Variants in RORB observed in about 807,000 individuals in gnomAD.
RORB encodes the protein nuclear receptor ROR-beta.
In RORB, 6 loss-of-function variants were observed where a neutral mutation model predicts 59.1. The observed-to-expected ratio is 0.10, with a 90% CI of 0.06 to 0.20. RORB has a LOEUF of 0.20. Ranked by LOEUF, RORB falls within the 10% of genes least tolerant of loss-of-function variation. RORB has a pLI of 1.00. For missense variants in RORB, 320 were observed against 560.5 expected (o/e 0.57, Z 4.33); for synonymous variants, 215 against 204.5 (o/e 1.05, Z -0.44).
intron 1 of RORB, among the ~76,000 whole-genome samples, chr9:74,585,383 G>A (rs1822782646): frequency 6.6e-6 from 1 of 152,180 alleles, no homozygotes; most frequent in South Asian, 2.1e-4. Context: ...TTCTCCAAAG[G>A]TTGAGTAACA....
chr9:74,556,560 C>T (rs1470533915), intron 1 of RORB, among the ~76,000 whole-genome samples: 2 of 152,176 alleles, frequency 1.3e-5, no homozygotes, highest in African/African-American at 4.8e-5. Context: ...CCACCCTTCC[C>T]TGCATTATCT....
At chr9:74,519,140 G>C (rs1458777403) in intron 1 of RORB, among the ~76,000 whole-genome samples, 1 of 151,952 alleles carries the variant, frequency 6.6e-6, no homozygotes, top group East Asian at 1.9e-4. Flanking sequence ...TGAGGAAAAA[G>C]CTCAAAGGCC....
Position 74,685,557 on chromosome 9 carries a change from C to T in RORB, c.1319C>T (p.Thr440Ile), listed in dbSNP as rs1382167986. Residue 440 changes from threonine to isoleucine, a missense_variant, in exon 10 of 10, where the codon ACA (threonine) becomes ATA (isoleucine). Coordinates refer to ENST00000376896, the MANE Select transcript of RORB (RefSeq NM_006914.4). ...CAATCTCATCCAGAGATAGTGAATA[C>T]ACTGTTTCCTCCGTTATACAAGGAG... ...FKQSHPEIVN[T>I]LFPPLYKELF... 6.2e-7 allele frequency: 1 copy of T among 1,612,878 alleles called. No homozygotes were observed. Among genetic ancestry groups the T allele is most frequent in the Admixed American group, 1.7e-5 (1 of 59,960 alleles).
At chr9:74,549,605 GAAGA>G (rs1257914374) in intron 1 of RORB, among the ~76,000 whole-genome samples, 762 of 54,234 alleles carry the variant, frequency 0.014, 19 homozygotes, top group African/African-American at 0.05. Context: ...AGGAAGGAAG[GAAGA>G]AAGGAAGGAA....
intron 1 of RORB, among the ~76,000 whole-genome samples, chr9:74,535,754 G>A (rs1826313282): frequency 6.6e-6 from 1 of 151,844 alleles, no homozygotes; most frequent in Non-Finnish European, 1.5e-5. Flanking sequence ...AAAAAATTGG[G>A]GAATTGCTAA....
chr9:74,666,732 G>T (rs538121906), intron 7 of RORB, among the ~76,000 whole-genome samples: 7 of 152,170 alleles, frequency 4.6e-5, no homozygotes, highest in African/African-American at 1.7e-4. Context: ...GGAGCACAGA[G>T]TTCATGCCAA....
intron 1 of RORB, among the ~76,000 whole-genome samples, chr9:74,501,469 C>G (rs952130914): frequency 4.6e-5 from 7 of 152,082 alleles, no homozygotes; most frequent in African/African-American, 1.7e-4. Context: ...CAACATTCCA[C>G]CTCCCGCAAT....
chr9:74,578,221 T>G (rs1418832119), intron 1 of RORB, among the ~76,000 whole-genome samples: 1 of 152,104 alleles, frequency 6.6e-6, no homozygotes, highest in Non-Finnish European at 1.5e-5. Context: ...CCTCTCTAAA[T>G]TTTTAGTGTT....
At chr9:74,599,328 C>T (rs1216159194) in intron 1 of RORB, among the ~76,000 whole-genome samples, 3 of 151,870 alleles carry the variant, frequency 2.0e-5, no homozygotes, top group East Asian at 3.9e-4. Flanking sequence ...AAAAAAAATG[C>T]CACGAATTGA....
chr9:74,554,103 T>C (rs1826653837), intron 1 of RORB, among the ~76,000 whole-genome samples: 1 of 152,192 alleles, frequency 6.6e-6, no homozygotes, highest in Non-Finnish European at 1.5e-5. Flanking sequence ...AGCCCTTTCG[T>C]TGGGAGATCT....
At chr9:74,572,024 T>C (rs1446483422) in intron 1 of RORB, among the ~76,000 whole-genome samples, 2 of 152,268 alleles carry the variant, frequency 1.3e-5, no homozygotes, top group East Asian at 1.9e-4. Context: ...TTTCTCTACC[T>C]GGGGAAGGCC....
rs146266129 is a variant in RORB, at chr9:74,562,405, T to C, written c.7+64422T>C. Among the ~76,000 whole-genome samples, 155 of 152,322 alleles carry C rather than the reference T, an allele frequency of 1.0e-3. 4 individuals are homozygous for C. Among genetic ancestry groups the C allele is most frequent in the East Asian group, 9.8e-3 (51 of 5,186 alleles). On this transcript the variant is annotated intron_variant, in intron 1 of 9. Coordinates refer to ENST00000376896, the MANE Select transcript of RORB (RefSeq NM_006914.4). ...AATAAATTGTTGTATCTGTAATATG[T>C]ATTACTGCAATGCATTTTATACCAA...
At chr9:74,664,927 G>A (rs888494597) in intron 6 of RORB, among the ~76,000 whole-genome samples, 18 of 152,124 alleles carry the variant, frequency 1.2e-4, no homozygotes, top group African/African-American at 4.3e-4. Context: ...GAAAAACAGT[G>A]GTAGTAAACA....
At chr9:74,668,602 T>C (rs1158445599) in intron 8 of RORB, among the ~76,000 whole-genome samples, 1 of 152,218 alleles carries the variant, frequency 6.6e-6, no homozygotes, top group East Asian at 1.9e-4. Flanking sequence ...TTGTATACTG[T>C]ATTCTTACAA....
At chr9:74,613,041 C>A (rs1000750150) in intron 1 of RORB, among the ~76,000 whole-genome samples, 1 of 152,010 alleles carries the variant, frequency 6.6e-6, no homozygotes, top group Non-Finnish European at 1.5e-5. Context: ...TTTCCAAGTA[C>A]AAATGGTAGT....
intron 1 of RORB, among the ~76,000 whole-genome samples, chr9:74,546,871 G>A (rs1826505141): frequency 6.6e-6 from 1 of 152,122 alleles, no homozygotes; most frequent in African/African-American, 2.4e-5. Context: ...AAGAATATCA[G>A]GATCAAAATT....
intron 1 of RORB, among the ~76,000 whole-genome samples, chr9:74,602,613 T>A (rs2118326805): frequency 6.6e-6 from 1 of 152,346 alleles, no homozygotes; most frequent in East Asian, 1.9e-4. Flanking sequence ...TTGTTGGAAC[T>A]GAGCCATACC....
chr9:74,609,280 G>C (rs1823197662), intron 1 of RORB, among the ~76,000 whole-genome samples: 1 of 152,132 alleles, frequency 6.6e-6, no homozygotes. Flanking sequence ...ACACTGCATA[G>C]CTAGAGAAGT....
chr9:74,502,962 C>T (rs1396235413), intron 1 of RORB, among the ~76,000 whole-genome samples: 2 of 151,922 alleles, frequency 1.3e-5, no homozygotes, highest in Non-Finnish European at 2.9e-5. Context: ...AAAGTAAAGG[C>T]TTTATTTATA....
Sources: allele counts gnomAD v4.1 joint callset (sites outside exome capture counted in the v4.1 genomes callset), GRCh38; gene constraint gnomAD v4.1.1; transcripts MANE v1.5; gene names NCBI Gene and HGNC (gene_info 2026-07-23, HGNC 2026-07-21).